Variants in PTCHD4 observed in about 807,000 individuals in gnomAD.
The protein encoded by PTCHD4 is patched domain containing 4.
In PTCHD4, 33 loss-of-function variants were observed where a neutral mutation model predicts 58.1. The observed-to-expected ratio is 0.57, with a 90% CI of 0.43 to 0.76. PTCHD4 has a LOEUF of 0.76. Among genes scored for constraint, PTCHD4 ranks in the 30% least tolerant of loss-of-function variants. PTCHD4 has a pLI of 0.00. For missense variants in PTCHD4, 1,058 were observed against 1,027.1 expected, an observed-to-expected ratio of 1.03 and a Z score of -0.41; for synonymous variants, 478 against 409.6, an observed-to-expected ratio of 1.17 and a Z score of -2.02.
intron 4 of PTCHD4, among the ~76,000 whole-genome samples, chr6:47,910,279 C>T (rs1765028295): frequency 6.6e-6 from 1 of 152,128 alleles, no homozygotes; most frequent in African/African-American, 2.4e-5. Flanking sequence ...TCAAGACGTC[C>T]ATTGCCATAT....
At chr6:47,905,845 C>T (rs1245575280) in intron 4 of PTCHD4, among the ~76,000 whole-genome samples, 3 of 152,194 alleles carry the variant, frequency 2.0e-5, no homozygotes, top group African/African-American at 7.2e-5. Flanking sequence ...TTTCTTGTTG[C>T]TACCAGTCGG....
At position 48,068,779 on chromosome 6, in the gene PTCHD4, G is replaced by C. The variant is rs1764900585; in HGVS notation, c.6-138C>G. 3 of 747,758 alleles carry C rather than the reference G, an allele frequency of 4.0e-6. No individual in the cohort carries two copies. Among genetic ancestry groups the C allele is most frequent in the Non-Finnish European group, 6.3e-6 (3 of 472,476 alleles). 46.3% of individuals were successfully genotyped at this position (747,758 alleles called of 1,614,324 possible). ...GCTCACCCCACAACCACTCCGCCTG[G>C]TCTTTCCCCGGCCCCACCTCCATGC... On this transcript the variant is annotated intron_variant, in intron 2 of 4. Transcript: ENST00000339488. The surrounding 1 kb of genome is among the most constrained non-coding windows in gnomAD (Gnocchi z 4.2).
At chr6:47,944,903 T>C (rs1379993359) in intron 4 of PTCHD4, among the ~76,000 whole-genome samples, 1 of 152,132 alleles carries the variant, frequency 6.6e-6, no homozygotes, top group African/African-American at 2.4e-5. Flanking sequence ...AAGTATGATA[T>C]GCTAATGGGT....
At position 47,867,832 on chromosome 6, in the gene PTCHD4, T is replaced by A. The variant is rs1410362514; in HGVS notation, c.*10471A>T. The stretch of plus-strand genomic sequence containing the variant: ...ATACCTCAAAGTCAGGAACTATGAA[T>A]AGTTTAGTGGTATTTTCTTCTGAGC... On this transcript the variant is annotated 3_prime_UTR_variant, in exon 5 of 5. Transcript: ENST00000339488. Among the ~76,000 whole-genome samples, 1 of 151,736 alleles carries A rather than the reference T, an allele frequency of 6.6e-6. No individual in the cohort carries two copies. The highest frequency in any genetic ancestry group is 1.5e-5 in the Non-Finnish European group (1 of 67,810).
chr6:47,887,795 A>G (rs1460989577), intron 4 of PTCHD4, among the ~76,000 whole-genome samples: 1 of 152,174 alleles, frequency 6.6e-6, no homozygotes, highest in Admixed American at 6.5e-5. Flanking sequence ...ATCTAAAGTA[A>G]ATAGATGATT....
At chr6:47,882,186 CCTG>C (rs1182596458) in intron 4 of PTCHD4, among the ~76,000 whole-genome samples, 1 of 152,050 alleles carries the variant, frequency 6.6e-6, no homozygotes, top group Non-Finnish European at 1.5e-5. Flanking sequence ...AATGAGGACT[CCTG>C]CTATCTTTGT....
intron 4 of PTCHD4, among the ~76,000 whole-genome samples, chr6:47,904,006 G>A (rs886197800): frequency 2.6e-5 from 4 of 152,188 alleles, no homozygotes; most frequent in Admixed American, 2.6e-4. Context: ...CAAAGGCACT[G>A]AAGCAGGAGA....
chr6:47,968,188 G>T (rs1767369246), intron 4 of PTCHD4, among the ~76,000 whole-genome samples: 1 of 152,018 alleles, frequency 6.6e-6, no homozygotes, highest in African/African-American at 2.4e-5. Context: ...ATTACTGTAT[G>T]TCAGGAATAT....
At chr6:47,941,718 T>A (rs115313249) in intron 4 of PTCHD4, among the ~76,000 whole-genome samples, 1 of 152,214 alleles carries the variant, frequency 6.6e-6, no homozygotes, top group Non-Finnish European at 1.5e-5. Flanking sequence ...AAAATGAAGT[T>A]AATGATAGTA....
intron 3 of PTCHD4, among the ~76,000 whole-genome samples, chr6:48,038,893 A>T (rs929660809): frequency 2.0e-4 from 31 of 152,200 alleles, no homozygotes; most frequent in African/African-American, 6.0e-4. Context: ...CGTCAAGACA[A>T]CATCTGAAAA....
At chr6:47,973,603 G>A (rs2753188) in intron 4 of PTCHD4, among the ~76,000 whole-genome samples, 106,729 of 152,006 alleles carry the variant, frequency 0.7, 37,554 homozygotes, top group East Asian at 0.84. Context: ...TGTGCAGTGG[G>A]GCTGGGTCAA....
chr6:47,956,978 A>G (rs1482573982), intron 4 of PTCHD4, among the ~76,000 whole-genome samples: 1 of 151,870 alleles, frequency 6.6e-6, no homozygotes, highest in East Asian at 2.0e-4. Context: ...AGCCTGGCCA[A>G]CATGGTGAAA....
intron 3 of PTCHD4, among the ~76,000 whole-genome samples, chr6:48,026,995 A>T (rs557732724): frequency 6.6e-6 from 1 of 152,014 alleles, no homozygotes; most frequent in East Asian, 1.9e-4. Flanking sequence ...ATTTTATATG[A>T]ACCGGTAAGT....
intron 4 of PTCHD4, among the ~76,000 whole-genome samples, chr6:47,891,716 A>C (rs1054320161): frequency 6.6e-6 from 1 of 152,122 alleles, no homozygotes; most frequent in Non-Finnish European, 1.5e-5. Flanking sequence ...AGTCCATTTT[A>C]ATACCTTCTT....
intron 4 of PTCHD4, among the ~76,000 whole-genome samples, chr6:47,923,963 A>T (rs1236499965): frequency 6.6e-6 from 1 of 152,138 alleles, no homozygotes; most frequent in Non-Finnish European, 1.5e-5. Context: ...ATCACTCACA[A>T]AATACGAATG....
chr6:47,934,436 G>C (rs1332289886), intron 4 of PTCHD4, among the ~76,000 whole-genome samples: 4 of 151,226 alleles, frequency 2.6e-5, no homozygotes, highest in African/African-American at 9.7e-5. Context: ...AAATTTTCTA[G>C]ATATTAAGCC....
intron 3 of PTCHD4, among the ~76,000 whole-genome samples, chr6:48,011,354 T>C (rs1762665084): frequency 6.6e-6 from 1 of 152,192 alleles, no homozygotes; most frequent in Non-Finnish European, 1.5e-5. Flanking sequence ...TCTTCATATG[T>C]TTATTGGCCT....
At position 47,878,507 on chromosome 6, in the gene PTCHD4, G is replaced by C. The variant is rs747954378; in HGVS notation, c.2328C>G (p.Asn776Lys). 12 of 1,613,402 alleles carry C rather than the reference G, an allele frequency of 7.4e-6. No individual in the cohort carries two copies. Among genetic ancestry groups the C allele is most frequent in the Non-Finnish European group, 1.0e-5 (12 of 1,179,680 alleles). ...GLVPLLFVPS[N>K]LTFTLFKCLL... ...AGCATTTGAACAGTGTGAAGGTCAG[G>C]TTCGAAGGCACAAATAGAAGGGGGA... Residue 776 changes from asparagine (N) to lysine (K), a missense_variant, in exon 5 of 5, where the codon AAC (asparagine) becomes AAG (lysine). By Grantham distance (94) the Asn-to-Lys change is moderately conservative. Transcript: ENST00000339488.
chr6:47,880,850 T>A (rs1195470823), intron 4 of PTCHD4, among the ~76,000 whole-genome samples: 1 of 152,184 alleles, frequency 6.6e-6, no homozygotes, highest in Non-Finnish European at 1.5e-5. Context: ...CTACCACTTT[T>A]TTACTAGCAA....
Sources: gnomAD v4.1 joint callset for allele counts (sites outside exome capture counted in the v4.1 genomes callset) on GRCh38, gnomAD v4.1.1 for gene constraint, Gnocchi (gnomAD v3.1) non-coding constraint, MANE v1.5 for transcripts, NCBI Gene and HGNC (gene_info 2026-07-23, HGNC 2026-07-21) for gene names.